KCND2: variants seen among roughly 807,000 people sequenced by gnomAD.
KCND2 encodes potassium voltage-gated channel subfamily D member 2.
In KCND2, 16 loss-of-function variants were observed where a neutral mutation model predicts 54.4. The ratio of observed to expected loss-of-function variants is 0.29; its 90% CI spans 0.20 to 0.45. KCND2 has a LOEUF of 0.45. KCND2 is among the 20% of genes least tolerant of loss of function. KCND2 has a pLI of 1.00. For missense variants in KCND2, 486 were observed against 824.2 expected (o/e 0.59, Z 5.02); for synonymous variants, 317 against 310.7 (o/e 1.02, Z -0.21).
At chr7:120,671,010 TTA>T (rs1424735158) in intron 1 of KCND2, among the ~76,000 whole-genome samples, 1 of 152,080 alleles carries the variant, frequency 6.6e-6, no homozygotes, top group Non-Finnish European at 1.5e-5. Flanking sequence ...TACACTATAA[TTA>T]TGTTTGTTTA....
chr7:120,541,607 G>A (rs1046306965), intron 1 of KCND2, among the ~76,000 whole-genome samples: 3 of 151,938 alleles, frequency 2.0e-5, no homozygotes, highest in Non-Finnish European at 4.4e-5. Flanking sequence ...AGCACAAAAG[G>A]TCCTTCAGTT....
chr7:120,279,569 A>G (rs1277181072), intron 1 of KCND2, among the ~76,000 whole-genome samples: 1 of 151,972 alleles, frequency 6.6e-6, no homozygotes, highest in African/African-American at 2.4e-5. Context: ...TTGGGAAAGT[A>G]AAAATTTAAT....
intron 1 of KCND2, among the ~76,000 whole-genome samples, chr7:120,299,099 G>A (rs891391716): frequency 2.6e-5 from 4 of 152,098 alleles, no homozygotes; most frequent in Non-Finnish European, 2.9e-5. Context: ...GGCAGAGGTG[G>A]CAGTGAGCTG....
chr7:120,437,324 T>A (rs945770354), intron 1 of KCND2, among the ~76,000 whole-genome samples: 2 of 150,442 alleles, frequency 1.3e-5, no homozygotes, highest in African/African-American at 4.9e-5. Flanking sequence ...TGCCTCAGCC[T>A]CCGGAGTAGC....
chr7:120,629,263 G>A (rs778238289), intron 1 of KCND2, among the ~76,000 whole-genome samples: 6 of 152,172 alleles, frequency 3.9e-5, no homozygotes, highest in Non-Finnish European at 7.4e-5. Flanking sequence ...CGAGGCAGGC[G>A]GATCACGAGG....
At position 120,453,508 on chromosome 7, in the gene KCND2, A is replaced by C. The variant is rs557482586; in HGVS notation, c.1115+177761A>C. Among the ~76,000 whole-genome samples the C allele has an allele frequency of 6.6e-5, 10 of 152,332 alleles. No homozygotes were observed. In the East Asian group the frequency reaches 1.7e-3, roughly 26 times the overall value. ...GCCACTGCCACCATTGCGAATGTGCATACAATCCACCATAAAACGATCCTT... is the reference window on the plus strand; with the variant it reads ...GCCACTGCCACCATTGCGAATGTGCCTACAATCCACCATAAAACGATCCTT... On this transcript the variant is annotated intron_variant, in intron 1 of 5. Coordinates refer to ENST00000331113, the MANE Select transcript of KCND2 (RefSeq NM_012281.3).
At chr7:120,432,833 CT>C (rs1801814030) in intron 1 of KCND2, among the ~76,000 whole-genome samples, 1 of 152,138 alleles carries the variant, frequency 6.6e-6, no homozygotes, top group Admixed American at 6.5e-5. Flanking sequence ...CATCTGCAGT[CT>C]CTTCCTTTTC....
chr7:120,658,368 AT>A (rs993593489), intron 1 of KCND2, among the ~76,000 whole-genome samples: 10 of 152,306 alleles, frequency 6.6e-5, no homozygotes, highest in Middle Eastern at 6.8e-3. Context: ...TCGTTATTTC[AT>A]TGTTTTAATC....
At chr7:120,615,964 T>C (rs145732022) in intron 1 of KCND2, among the ~76,000 whole-genome samples, 2 of 152,272 alleles carry the variant, frequency 1.3e-5, no homozygotes, top group East Asian at 3.9e-4. Flanking sequence ...TTTTGAAATG[T>C]CCCTCAGCCT....
At position 120,680,235 on chromosome 7, in the gene KCND2, G is replaced by A. The variant is rs139842230; in HGVS notation, c.1116-52668G>A. Among the ~76,000 whole-genome samples the A allele has an allele frequency of 1.2e-3, 183 of 152,182 alleles. 1 individual carries two copies. The East Asian group carries it at 0.015, about 12-fold the overall frequency. On this transcript the variant is annotated intron_variant, in intron 1 of 5. Coordinates refer to ENST00000331113, the MANE Select transcript of KCND2 (RefSeq NM_012281.3). ...TATGATCCCTGCCTCTTTGCTCTCT[G>A]GCTGGGAAGACAAGATTAATTCCAG...
At chr7:120,484,049 CA>C (rs1802653289) in intron 1 of KCND2, among the ~76,000 whole-genome samples, 1 of 151,914 alleles carries the variant, frequency 6.6e-6, no homozygotes, top group Non-Finnish European at 1.5e-5. Context: ...AAATAAAAGA[CA>C]AAAGAGATTG....
At chr7:120,473,846 G>C (rs1169371829) in intron 1 of KCND2, among the ~76,000 whole-genome samples, 1 of 152,096 alleles carries the variant, frequency 6.6e-6, no homozygotes, top group Non-Finnish European at 1.5e-5. Context: ...CAAATCACTG[G>C]ATATACTGGG....
intron 1 of KCND2, among the ~76,000 whole-genome samples, chr7:120,523,158 T>G (rs978725285): frequency 6.6e-5 from 10 of 152,246 alleles, no homozygotes; most frequent in African/African-American, 2.4e-4. Flanking sequence ...GGTAAACCAT[T>G]CTGTGATTGT....
At chr7:120,347,721 C>T (rs148874587) in intron 1 of KCND2, among the ~76,000 whole-genome samples, 1 of 151,028 alleles carries the variant, frequency 6.6e-6, no homozygotes, top group African/African-American at 2.4e-5. Flanking sequence ...CACACCATCA[C>T]ACTCCAGCCT....
chr7:120,611,213 T>A (rs1792950174), intron 1 of KCND2, among the ~76,000 whole-genome samples: 1 of 152,220 alleles, frequency 6.6e-6, no homozygotes, highest in Non-Finnish European at 1.5e-5. Flanking sequence ...AGTTTGCAGA[T>A]ATTGTTTAAT....
chr7:120,593,511 A>G (rs138360110), intron 1 of KCND2, among the ~76,000 whole-genome samples: 4 of 152,270 alleles, frequency 2.6e-5, no homozygotes, highest in South Asian at 4.1e-4. Context: ...GCAGTTGACT[A>G]TGATAGGAAT....
chr7:120,409,673 G>A (rs1801419346), intron 1 of KCND2, among the ~76,000 whole-genome samples: 1 of 151,516 alleles, frequency 6.6e-6, no homozygotes, highest in African/African-American at 2.4e-5. Flanking sequence ...ATGTTTTTTG[G>A]CCATACTTTT....
chr7:120,484,950 G>GC (rs1802672370), intron 1 of KCND2, among the ~76,000 whole-genome samples: 1 of 152,074 alleles, frequency 6.6e-6, no homozygotes, highest in Admixed American at 6.6e-5. Context: ...AACCATCATA[G>GC]CTAACTCTTC....
At chr7:120,556,485 C>T (rs1329861937) in intron 1 of KCND2, among the ~76,000 whole-genome samples, 1 of 152,192 alleles carries the variant, frequency 6.6e-6, no homozygotes, top group African/African-American at 2.4e-5. Context: ...ACTGTGTGTA[C>T]ACTGTTTCAA....
Sources: allele counts gnomAD v4.1 joint callset (sites outside exome capture counted in the v4.1 genomes callset), GRCh38; gene constraint gnomAD v4.1.1; transcripts MANE v1.5; gene names NCBI Gene and HGNC (gene_info 2026-07-23, HGNC 2026-07-21).